Variants in IL1RAPL2 observed in about 807,000 individuals in gnomAD.
IL1RAPL2 encodes the protein interleukin 1 receptor accessory protein like 2, also known as X-linked interleukin-1 receptor accessory protein-like 2.
In IL1RAPL2, 3 loss-of-function variants were observed where a neutral mutation model predicts 44.1. The ratio of observed to expected loss-of-function variants is 0.07; its 90% CI spans 0.03 to 0.18. The LOEUF (loss-of-function observed/expected upper bound fraction) is 0.18. Ranked by LOEUF, IL1RAPL2 falls within the 10% of genes least tolerant of loss-of-function variation. IL1RAPL2 has a pLI of 1.00. For missense variants in IL1RAPL2, 391 were observed against 496.4 expected, an observed-to-expected ratio of 0.79 and a Z score of 2.02; for synonymous variants, 181 against 178.8, an observed-to-expected ratio of 1.01 and a Z score of -0.10.
chrX:105,139,765 A>G (rs2033109592), intron 2 of IL1RAPL2, among the ~76,000 whole-genome samples: 1 of 112,420 alleles, frequency 8.9e-6, no homozygotes, highest in Non-Finnish European at 1.9e-5. Context: ...AATTGGGATT[A>G]GATGTTCAAC....
intron 6 of IL1RAPL2, among the ~76,000 whole-genome samples, chrX:105,634,330 C>T (rs1455022140): frequency 2.7e-5 from 3 of 111,137 alleles, no homozygotes; most frequent in African/African-American, 9.8e-5. Context: ...TCACCACAAT[C>T]CCTAAGTAAA....
chrX:104,715,435 C>A (rs1445892533), intron 2 of IL1RAPL2, among the ~76,000 whole-genome samples: 21 of 81,799 alleles, frequency 2.6e-4, no homozygotes, highest in Middle Eastern at 8.2e-3. Context: ...AAAAAAAAAA[C>A]CAGATCCTGG....
chrX:105,425,510 A>G lies in IL1RAPL2; in HGVS notation c.698-58803A>G, dbSNP rs185873799. Among the ~76,000 whole-genome samples, 436 of 102,535 alleles carry G rather than the reference A, an allele frequency of 4.3e-3. 1 individual carries two copies. The highest frequency in any genetic ancestry group is 0.015 in the Middle Eastern group (3 of 204). 89.0% of individuals were successfully genotyped at this position (102,535 alleles called of 115,157 possible). ...TAACTTTTTTTTTTTCCTGAAGTCA[A>G]TTTTTATGCATAGGACTCAGGAAGT... On this transcript the variant is annotated intron_variant, in intron 5 of 10. Coordinates refer to ENST00000372582, the MANE Select transcript of IL1RAPL2 (RefSeq NM_017416.2).
At chrX:104,931,947 A>T (rs868835975) in intron 2 of IL1RAPL2, among the ~76,000 whole-genome samples, 1 of 88,985 alleles carries the variant, frequency 1.1e-5, no homozygotes, top group East Asian at 3.6e-4. Flanking sequence ...GGAAACTATG[A>T]GTGTGTGTGT....
chrX:105,433,806 C>T (rs1018361316), intron 5 of IL1RAPL2, among the ~76,000 whole-genome samples: 5 of 110,617 alleles, frequency 4.5e-5, no homozygotes, highest in Admixed American at 1.9e-4. Flanking sequence ...AGTAGATGGA[C>T]CAGACAGAAA....
At chrX:104,874,102 C>A (rs759110046) in intron 2 of IL1RAPL2, among the ~76,000 whole-genome samples, 1 of 109,067 alleles carries the variant, frequency 9.2e-6, no homozygotes, top group East Asian at 3.0e-4. Context: ...TCTTGACACT[C>A]ATATGATAAG....
chrX:104,954,843 CT>C (rs760710956), intron 2 of IL1RAPL2, among the ~76,000 whole-genome samples: 1 of 112,876 alleles, frequency 8.9e-6, no homozygotes, highest in Non-Finnish European at 1.9e-5. Context: ...TTTGGCTTCA[CT>C]TAGGAAAGAA....
At chrX:104,799,596 A>G (rs767750839) in intron 2 of IL1RAPL2, among the ~76,000 whole-genome samples, 2 of 112,345 alleles carry the variant, frequency 1.8e-5, no homozygotes, top group Non-Finnish European at 3.8e-5. Context: ...TCTCTTGAGC[A>G]ACTCACTGTT....
At chrX:104,936,285 A>G (rs1602834163) in intron 2 of IL1RAPL2, among the ~76,000 whole-genome samples, 1 of 111,697 alleles carries the variant, frequency 9.0e-6, no homozygotes, top group Non-Finnish European at 1.9e-5. Flanking sequence ...TATGAACTCA[A>G]TTTAGTGTTT....
chrX:105,692,318 C>A (rs1467254009), intron 6 of IL1RAPL2, among the ~76,000 whole-genome samples: 1 of 111,921 alleles, frequency 8.9e-6, no homozygotes, highest in Non-Finnish European at 1.9e-5. Flanking sequence ...ACACAGATAA[C>A]TGAAATAATC....
chrX:105,644,563 T>G (rs2037592242), intron 6 of IL1RAPL2, among the ~76,000 whole-genome samples: 1 of 110,460 alleles, frequency 9.1e-6, no homozygotes, highest in Admixed American at 9.6e-5. Context: ...TCTGAACTCC[T>G]TTTTGGCTAG....
chrX:105,370,810 T>C (rs756567229), intron 5 of IL1RAPL2, among the ~76,000 whole-genome samples: 1 of 112,434 alleles, frequency 8.9e-6, no homozygotes, highest in African/African-American at 3.2e-5. Context: ...CAAACTGCTT[T>C]CCACATGGCT....
rs887951049 is a variant in IL1RAPL2, at chrX:105,085,758, C to T, written c.83-109717C>T. 2.8e-4 allele frequency among the ~76,000 whole-genome samples: 31 copies of T among 111,990 alleles called. No homozygotes were observed. In the Admixed American group the frequency reaches 3.0e-3, roughly 11 times the overall value. On this transcript the variant is annotated intron_variant, in intron 2 of 10. Transcript: ENST00000372582. ...CTCATGTATAACTTTTGACTCCCCA[C>T]AAACTTTGCTACTAATAGCTTTCTG...
At chrX:105,204,810 G>A (rs868967001) in intron 3 of IL1RAPL2, among the ~76,000 whole-genome samples, 22 of 111,731 alleles carry the variant, frequency 2.0e-4, no homozygotes, top group African/African-American at 7.2e-4. Context: ...CTCACAGTTT[G>A]CAAACTCTGA....
At chrX:105,679,860 C>CCTT (rs1210955362) in intron 6 of IL1RAPL2, among the ~76,000 whole-genome samples, 2 of 111,738 alleles carry the variant, frequency 1.8e-5, no homozygotes, top group East Asian at 5.7e-4. Flanking sequence ...GCCATATGGA[C>CCTT]CTTCTTAAGT....
intron 2 of IL1RAPL2, among the ~76,000 whole-genome samples, chrX:104,936,921 G>T (rs1269790536): frequency 1.8e-5 from 2 of 111,459 alleles, no homozygotes; most frequent in African/African-American, 6.5e-5. Flanking sequence ...AGACTCTTAA[G>T]TAGGAAAGTA....
intron 6 of IL1RAPL2, among the ~76,000 whole-genome samples, chrX:105,700,938 G>T (rs2038114312): frequency 9.1e-6 from 1 of 110,451 alleles, no homozygotes; most frequent in African/African-American, 3.3e-5. Context: ...CCCCAGTGGT[G>T]CTTCAGGTTT....
At chrX:105,115,564 C>T (rs780237526) in intron 2 of IL1RAPL2, among the ~76,000 whole-genome samples, 1 of 112,224 alleles carries the variant, frequency 8.9e-6, no homozygotes, top group African/African-American at 3.2e-5. Flanking sequence ...ACACAGAGTG[C>T]TGATTGGTGT....
chrX:105,040,671 A>G (rs912357630), intron 2 of IL1RAPL2, among the ~76,000 whole-genome samples: 10 of 110,149 alleles, frequency 9.1e-5, no homozygotes, highest in African/African-American at 3.1e-4. Context: ...ATTTGCGTAG[A>G]GGTGTTTATA....
Sources: allele counts gnomAD v4.1 joint callset (sites outside exome capture counted in the v4.1 genomes callset), GRCh38; gene constraint gnomAD v4.1.1; transcripts MANE v1.5; gene names NCBI Gene and HGNC (gene_info 2026-07-23, HGNC 2026-07-21).